GPALPP1: variants seen among roughly 807,000 people sequenced by gnomAD.
GPALPP1 encodes GPALPP motifs-containing protein 1.
In GPALPP1, 30 loss-of-function variants were observed where a neutral mutation model predicts 38.9. The observed-to-expected ratio is 0.77, with a 90% CI of 0.58 to 1.05. GPALPP1 has a LOEUF of 1.05. GPALPP1 is among the 50% of genes least tolerant of loss of function. The pLI is 0.00. For missense variants in GPALPP1, 384 were observed against 408.8 expected (o/e 0.94, Z 0.52); for synonymous variants, 120 against 139.2 (o/e 0.86, Z 0.97).
chr13:45,006,953 T>G (rs1167011065), intron 3 of GPALPP1, among the ~76,000 whole-genome samples: 1 of 151,962 alleles, frequency 6.6e-6, no homozygotes, highest in African/African-American at 2.4e-5. Context: ...TCAAATTGTT[T>G]ATAATTCATA....
At chr13:44,990,050 A>G in intron 1 of GPALPP1, 1 of 511,214 alleles carries the variant, frequency 2.0e-6, no homozygotes, top group Non-Finnish European at 3.4e-6. Context: ...TAAGAAAAAA[A>G]CTATTTTCCC....
In GPALPP1 at chr13:45,030,175, C is replaced by A. The variant is rs1876124238; in HGVS notation, c.*2172C>A. ...GGAAATGGAAAATTTATAATCATAA[C>A]CCCCCTAATTGGGAGTATTATAAGT... On this transcript the variant is annotated 3_prime_UTR_variant, in exon 8 of 8. Transcript: ENST00000379151. The A allele has an allele frequency of 6.6e-6, 1 of 151,984 alleles. No individual in the cohort carries two copies. Among genetic ancestry groups the A allele is most frequent in the South Asian group, 2.1e-4 (1 of 4,826 alleles). The allele number at this position is 151,984 out of a possible 1,614,324, so 9.4% of individuals were successfully genotyped here.
chr13:45,027,795 G>T lies in GPALPP1; in HGVS notation c.815G>T (p.Arg272Ile). The change falls in exon 8 of 8, where the codon AGA (arginine) becomes ATA (isoleucine). Residue 272 changes from arginine to isoleucine, a missense_variant. Transcript: ENST00000379151. ...EQVSSYNESK[R>I]SESLMDIHHK... Reference sequence around the variant, plus strand: ...TCCTGCTCTCTCCAGGAATCAAAAAGATCAGAATCTCTTATGGACATACAT... The same window carrying T: ...TCCTGCTCTCTCCAGGAATCAAAAATATCAGAATCTCTTATGGACATACAT... 1 of 1,522,902 alleles carries T rather than the reference G, an allele frequency of 6.6e-7. No individual in the cohort carries two copies. The highest frequency in any genetic ancestry group is 1.7e-5 in the Admixed American group (1 of 58,732). The allele number at this position is 1,522,902 out of a possible 1,614,324, so 94.3% of individuals were successfully genotyped here. A position where few individuals can be genotyped will look rare whatever the true frequency, so the allele number is the denominator to read the frequency against.
At chr13:44,998,344 T>G (rs1873438539) in intron 1 of GPALPP1, among the ~76,000 whole-genome samples, 1 of 152,166 alleles carries the variant, frequency 6.6e-6, no homozygotes, top group Non-Finnish European at 1.5e-5. Flanking sequence ...CATATCCCCC[T>G]CTAGCTGCAT....
intron 3 of GPALPP1, among the ~76,000 whole-genome samples, chr13:45,008,381 C>G (rs1020855482): frequency 1.3e-5 from 2 of 152,082 alleles, no homozygotes; most frequent in African/African-American, 4.8e-5. Flanking sequence ...AATTATAATG[C>G]CCCTAAGGTA....
In GPALPP1 at chr13:44,997,285, A is replaced by G. The variant is rs145022668; in HGVS notation, c.89-7020A>G. Among the ~76,000 whole-genome samples, 261 of 152,246 alleles carry G rather than the reference A, an allele frequency of 1.7e-3. 2 individuals are homozygous for G. The highest frequency in any genetic ancestry group is 5.9e-3 in the African/African-American group (244 of 41,542). The stretch of plus-strand genomic sequence containing the variant: ...TGACCAGAGTAAAGAGGAGTGAGGG[A>G]GCACACAGGTCTGAGATGGAACAAG... On this transcript the variant is annotated intron_variant, in intron 1 of 7. Transcript: ENST00000379151.
intron 1 of GPALPP1, among the ~76,000 whole-genome samples, chr13:44,998,275 G>A (rs974225064): frequency 1.3e-5 from 2 of 152,116 alleles, no homozygotes; most frequent in Non-Finnish European, 2.9e-5. Context: ...AGGGCTGCCT[G>A]CCCTTAGCAT....
At chr13:45,024,194 T>A (rs1033841024) in intron 7 of GPALPP1, among the ~76,000 whole-genome samples, 15 of 124,912 alleles carry the variant, frequency 1.2e-4, no homozygotes, top group African/African-American at 4.8e-4. Context: ...TGTGTGTGTG[T>A]GTGTGTGTGT....
chr13:45,023,023 A>ATAATAATAGTCCAGTGATTTAATGTATTC (rs1288707029), intron 7 of GPALPP1, among the ~76,000 whole-genome samples: 1 of 151,344 alleles, frequency 6.6e-6, no homozygotes. Context: ...TGCAGGGTCT[A>ATAATAATAGTCCAGTGATTTAATGTATTC]CACAGAGCAA....
chr13:45,031,421 G>A (rs188149153), downstream of GPALPP1: 2 of 152,132 alleles, frequency 1.3e-5, no homozygotes, highest in Non-Finnish European at 1.5e-5. Context: ...TGAGAAATTT[G>A]CATTTTTTAA....
chr13:45,024,172 T>C (rs1238551016), intron 7 of GPALPP1, among the ~76,000 whole-genome samples: 63 of 132,450 alleles, frequency 4.8e-4, no homozygotes, highest in South Asian at 2.9e-3. Flanking sequence ...TGTGTGTGTG[T>C]GTGTGTGTGT....
intron 1 of GPALPP1, among the ~76,000 whole-genome samples, chr13:44,999,531 C>T (rs1208773520): frequency 1.3e-5 from 2 of 152,128 alleles, no homozygotes; most frequent in Non-Finnish European, 2.9e-5. Context: ...CATGTCCTTA[C>T]TTTTATTAGG....
At chr13:45,034,998 T>C (rs1387115006), downstream of GPALPP1, 341 of 133,646 alleles carry the variant, frequency 2.6e-3, no homozygotes, top group African/African-American at 9.1e-3. Context: ...GCTCTGTCTC[T>C]CAGGCTGGAG....
intron 6 of GPALPP1, 111 bp from the exon 7 acceptor site, chr13:45,020,219 A>C: frequency 1.8e-6 from 1 of 543,990 alleles, no homozygotes; most frequent in Non-Finnish European, 3.3e-6. Context: ...GATTTCACAA[A>C]CCTGGCTTAG....
chr13:45,009,163 G>A (rs1874307085), intron 4 of GPALPP1, among the ~76,000 whole-genome samples: 1 of 152,196 alleles, frequency 6.6e-6, no homozygotes, highest in Non-Finnish European at 1.5e-5. Context: ...GGTGTTAGAA[G>A]GATGGAACAT....
chr13:45,033,081 C>T (rs1166890167), downstream of GPALPP1, among the ~76,000 whole-genome samples: 3 of 151,142 alleles, frequency 2.0e-5, no homozygotes, highest in African/African-American at 7.3e-5. Flanking sequence ...GGTACCAAGG[C>T]TTACATGCTT....
chr13:45,032,557 C>T (rs1054797314), downstream of GPALPP1, among the ~76,000 whole-genome samples: 1 of 151,692 alleles, frequency 6.6e-6, no homozygotes, highest in Non-Finnish European at 1.5e-5. Context: ...AGGCGCCCAC[C>T]ACCGTGCCCA....
rs555035581 is a variant in GPALPP1 at position 45,018,681 on chromosome 13, TAAA to T, written c.706-1646_706-1644del. Among the ~76,000 whole-genome samples, 527 of 151,920 alleles carry T rather than the reference TAAA, an allele frequency of 3.5e-3. 2 individuals are homozygous for T. Among genetic ancestry groups the T allele is most frequent in the South Asian group, 6.6e-3 (32 of 4,824 alleles). On this transcript the variant is annotated intron_variant, in intron 6 of 7. Coordinates refer to ENST00000379151, the MANE Select transcript of GPALPP1 (RefSeq NM_018559.5). ...TAGTCCATGAGGCCTCCTAAGCAAATAAAAACAATATAAGAATATGCTTAGAGA... is the reference window on the plus strand; with the variant it reads ...TAGTCCATGAGGCCTCCTAAGCAAATAACAATATAAGAATATGCTTAGAGA...
intron 4 of GPALPP1, among the ~76,000 whole-genome samples, chr13:45,009,210 T>C (rs1206927748): frequency 6.6e-6 from 1 of 152,214 alleles, no homozygotes; most frequent in Non-Finnish European, 1.5e-5. Context: ...ATTTGGCCTT[T>C]AGGAGAGAAG....
Sources: gnomAD v4.1 joint callset for allele counts (sites outside exome capture counted in the v4.1 genomes callset) on GRCh38, gnomAD v4.1.1 for gene constraint, MANE v1.5 for transcripts, NCBI Gene and HGNC (gene_info 2026-07-23, HGNC 2026-07-21) for gene names.